The following RNF157 variants were observed in gnomAD, a reference collection of about 807,000 sequenced individuals.
The protein encoded by RNF157 is ring finger protein 157.
In RNF157, 55 loss-of-function variants were observed where a neutral mutation model predicts 88.3. The observed-to-expected ratio is 0.62, with a 90% CI of 0.50 to 0.78. RNF157 has a LOEUF of 0.78. Ranked by LOEUF, RNF157 falls within the 30% of genes least tolerant of loss-of-function variation. RNF157 has a pLI of 0.00. For synonymous variants in RNF157, 334 were observed against 341.2 expected (o/e 0.98, Z 0.23); for missense variants, 788 against 860.8 (o/e 0.92, Z 1.06).
At chr17:76,154,636 A>C in intron 16 of RNF157, 1 of 301,482 alleles carries the variant, frequency 3.3e-6, no homozygotes, top group South Asian at 5.8e-5. Context: ...AAAAATTACT[A>C]AATGAAAGAG....
intron 1 of RNF157, among the ~76,000 whole-genome samples, chr17:76,230,441 G>C (rs2070167519): frequency 6.6e-6 from 1 of 152,148 alleles, no homozygotes; most frequent in South Asian, 2.1e-4. Context: ...CCTGAGTCAA[G>C]ACCTTAGCCT....
chr17:76,147,930 A>AT (rs1302272047), intron 18 of RNF157, among the ~76,000 whole-genome samples: 1 of 152,224 alleles, frequency 6.6e-6, no homozygotes, highest in East Asian at 1.9e-4. Context: ...CTAGAGGTAG[A>AT]TTTTGGGAGT....
chr17:76,197,358 C>A (rs191510547), intron 2 of RNF157, among the ~76,000 whole-genome samples: 6 of 152,154 alleles, frequency 3.9e-5, no homozygotes, highest in South Asian at 2.1e-4. Context: ...GTATAGCAAT[C>A]AAAAATGTAA....
intron 6 of RNF157, among the ~76,000 whole-genome samples, chr17:76,166,195 G>A (rs573475275): frequency 1.1e-4 from 16 of 152,094 alleles, no homozygotes; most frequent in Non-Finnish European, 2.1e-4. Context: ...GGCTGGTCTC[G>A]AACTCCTGAC....
intron 9 of RNF157, 105 bp from the exon 10 acceptor site, chr17:76,162,107 G>A (rs776785767): frequency 3.8e-4 from 448 of 1,166,010 alleles, no homozygotes; most frequent in Non-Finnish European, 5.1e-4. Context: ...TAATAATTAC[G>A]AACAAAATCT....
intron 1 of RNF157, among the ~76,000 whole-genome samples, chr17:76,237,489 G>A (rs915973911): frequency 6.6e-6 from 1 of 152,136 alleles, no homozygotes; most frequent in Admixed American, 6.5e-5. Context: ...ATCAACCCAG[G>A]TTGATTCCTC....
intron 6 of RNF157, among the ~76,000 whole-genome samples, chr17:76,165,838 G>A (rs532463637): frequency 7.9e-5 from 12 of 151,562 alleles, no homozygotes; most frequent in Non-Finnish European, 1.3e-4. Flanking sequence ...CACCATGCCC[G>A]GTTACTTTTC....
rs2068693122 is a variant in RNF157, at chr17:76,152,426, T to C, written c.1850A>G (p.Asn617Ser). The change falls in exon 18 of 19, where the codon AAT becomes AGT. Residue 617 changes from asparagine to serine, a missense_variant. Physicochemically the swap from Asn to Ser is conservative, Grantham distance 46 (BLOSUM62 1). Transcript: ENST00000269391. ...TCAFLGMECDNNNDFDIASVK... is the reference protein window; with the variant it reads ...TCAFLGMECDSNNDFDIASVK... ...GCTTGCGATGTCAAAGTCATTGTTA[T>C]TGTCACACTCCATACCTAGAAATGC... is the stretch of plus-strand genomic sequence containing the variant. The C allele has an allele frequency of 2.5e-6, 4 of 1,613,990 alleles. No homozygotes were observed. Among genetic ancestry groups the C allele is most frequent in the East Asian group, 4.5e-5 (2 of 44,890 alleles).
chr17:76,193,433 A>C (rs2069419068), intron 2 of RNF157, among the ~76,000 whole-genome samples: 1 of 152,232 alleles, frequency 6.6e-6, no homozygotes, highest in South Asian at 2.1e-4. Flanking sequence ...AAAGCACTTG[A>C]AGTAAATACA....
chr17:76,203,989 G>A (rs897611982), intron 2 of RNF157, among the ~76,000 whole-genome samples: 2 of 151,106 alleles, frequency 1.3e-5, no homozygotes, highest in Non-Finnish European at 3.0e-5. Context: ...GGATGGTCTC[G>A]ATCTCCTGAC....
intron 1 of RNF157, among the ~76,000 whole-genome samples, chr17:76,232,129 T>C (rs1221480078): frequency 6.6e-6 from 1 of 152,196 alleles, no homozygotes; most frequent in Non-Finnish European, 1.5e-5. Flanking sequence ...ATGCCTGTAA[T>C]TCCTGCACTT....
At chr17:76,152,143 C>T (rs1223880772) in intron 18 of RNF157, among the ~76,000 whole-genome samples, 4 of 152,234 alleles carry the variant, frequency 2.6e-5, no homozygotes, top group Non-Finnish European at 5.9e-5. Flanking sequence ...TCCTAATACT[C>T]TCACTCAGAG....
intron 3 of RNF157, among the ~76,000 whole-genome samples, chr17:76,173,273 G>A (rs2069048701): frequency 6.6e-6 from 1 of 150,998 alleles, no homozygotes; most frequent in African/African-American, 2.4e-5. Context: ...GTGACAGAGC[G>A]AGACTCCGTC....
chr17:76,149,239 C>T (rs1304777555), intron 18 of RNF157, among the ~76,000 whole-genome samples: 1 of 152,008 alleles, frequency 6.6e-6, no homozygotes, highest in Admixed American at 6.5e-5. Context: ...CAACAAGGTT[C>T]GCAGTCCTTG....
chr17:76,198,925 T>C (rs919984228), intron 2 of RNF157, among the ~76,000 whole-genome samples: 22 of 152,212 alleles, frequency 1.4e-4, no homozygotes, highest in African/African-American at 5.3e-4. Context: ...ACACCGTCTG[T>C]TGGTGAGATG....
chr17:76,191,230 C>CT (rs1194387245), intron 2 of RNF157, among the ~76,000 whole-genome samples: 1 of 151,774 alleles, frequency 6.6e-6, no homozygotes, highest in Admixed American at 6.6e-5. Flanking sequence ...AATCCCAGTA[C>CT]TTTGGGAAGC....
chr17:76,218,736 C>G (rs185048079), intron 1 of RNF157, among the ~76,000 whole-genome samples: 5 of 152,162 alleles, frequency 3.3e-5, no homozygotes, highest in Admixed American at 3.3e-4. Context: ...GAGTTTGAGA[C>G]CAGCCTGTCC....
chr17:76,175,508 C>CTCTTCT (rs2069089183), intron 2 of RNF157, among the ~76,000 whole-genome samples: 1 of 152,198 alleles, frequency 6.6e-6, no homozygotes, highest in Non-Finnish European at 1.5e-5. Context: ...AATTCTAGTT[C>CTCTTCT]AGATCCCATC....
At chr17:76,188,214 C>T (rs1367838849) in intron 2 of RNF157, among the ~76,000 whole-genome samples, 1 of 152,182 alleles carries the variant, frequency 6.6e-6, no homozygotes, top group Non-Finnish European at 1.5e-5. Context: ...CATGCTCCAA[C>T]TCCAAGGTGA....
Sources: gnomAD v4.1 joint callset for allele counts (sites outside exome capture counted in the v4.1 genomes callset) on GRCh38, gnomAD v4.1.1 for gene constraint, MANE v1.5 for transcripts, NCBI Gene and HGNC (gene_info 2026-07-23, HGNC 2026-07-21) for gene names.